MGAT4C: variants seen among roughly 807,000 people sequenced by gnomAD.
MGAT4C encodes alpha-1,3-mannosyl-glycoprotein 4-beta-N-acetylglucosaminyltransferase C.
Under a neutral mutation model 40.1 loss-of-function variants are expected in MGAT4C, and 19 were observed. The ratio of observed to expected loss-of-function variants is 0.47; its 90% CI spans 0.33 to 0.70. The LOEUF is 0.70. Ranked by LOEUF, MGAT4C falls within the 30% of genes least tolerant of loss-of-function variation. The pLI, the probability that MGAT4C is intolerant of heterozygous loss-of-function variation, is 0.02. For synonymous variants in MGAT4C, 181 were observed against 187.1 expected, an observed-to-expected ratio of 0.97 and a Z score of 0.27; for missense variants, 491 against 563.2, an observed-to-expected ratio of 0.87 and a Z score of 1.30.
At chr12:86,766,430 C>T (rs959663941) in intron 1 of MGAT4C, among the ~76,000 whole-genome samples, 1 of 152,252 alleles carries the variant, frequency 6.6e-6, no homozygotes, top group African/African-American at 2.4e-5. Context: ...GAGACTTTAA[C>T]ACCCCACTGT....
In MGAT4C at chr12:86,394,541, A is replaced by G. The variant is rs146683300; in HGVS notation, c.-120+40616T>C. Among the ~76,000 whole-genome samples the G allele has an allele frequency of 5.4e-3, 776 of 144,026 alleles. 5 individuals are homozygous for G. The highest frequency in any genetic ancestry group is 8.6e-3 in the Non-Finnish European group (571 of 66,028). 94.5% of individuals were successfully genotyped at this position (144,026 alleles called of 152,430 possible). On this transcript the variant is annotated intron_variant, in intron 3 of 7. Coordinates refer to the MGAT4C transcript ENST00000548651. ...ATATATTTATATATTTTATACATAT[A>G]TTTATATATATTTATATATTTATAT...
upstream of MGAT4C, chr12:86,838,976 G>T (rs911360394): frequency 6.6e-6 from 1 of 152,186 alleles, no homozygotes; most frequent in Non-Finnish European, 1.5e-5. Context: ...TCTCTCATCT[G>T]CAGTCTGCAA....
chr12:86,032,294 T>C (rs374035207), intron 2 of MGAT4C, among the ~76,000 whole-genome samples: 74 of 152,090 alleles, frequency 4.9e-4, no homozygotes, highest in Middle Eastern at 3.4e-3. Context: ...GATTGCTGGG[T>C]TGAACGGTAG....
intron 2 of MGAT4C, among the ~76,000 whole-genome samples, chr12:86,639,345 TGAAGTAGTCTATCAATAAGA>T (rs1963311917): frequency 6.6e-6 from 1 of 151,780 alleles, no homozygotes; most frequent in Non-Finnish European, 1.5e-5. Flanking sequence ...AACAGTCATC[TGAAGTAGTCTATCAATAAGA>T]GAACTTTGTA....
chr12:86,098,772 C>A (rs780010961), intron 1 of MGAT4C, among the ~76,000 whole-genome samples: 2 of 151,524 alleles, frequency 1.3e-5, no homozygotes, highest in Non-Finnish European at 3.0e-5. Context: ...TGCATGTATT[C>A]TTCTGAATAA....
rs529231501 is a variant in MGAT4C, at chr12:86,005,554, T to C, written c.-6-16002A>G. Among the ~76,000 whole-genome samples, 8 of 152,248 alleles carry C rather than the reference T, an allele frequency of 5.3e-5. 1 individual carries two copies. In the East Asian group the frequency reaches 1.5e-3, roughly 29 times the overall value. On this transcript the variant is annotated intron_variant, in intron 2 of 4. Coordinates refer to ENST00000611864, the MANE Select transcript of MGAT4C (RefSeq NM_001351288.2). The stretch of plus-strand genomic sequence containing the variant: ...TAATTGGCTTCTAGGGTTCTTAGCC[T>C]TACAGATGAGTAAGGAAGATCACTT...
chr12:86,472,285 A>G (rs920181065), intron 2 of MGAT4C, among the ~76,000 whole-genome samples: 2 of 152,160 alleles, frequency 1.3e-5, no homozygotes, highest in African/African-American at 4.8e-5. Flanking sequence ...ACAGATTATA[A>G]GGCCTATGAA....
chr12:86,702,927 T>C (rs747294239), intron 2 of MGAT4C, among the ~76,000 whole-genome samples: 4 of 152,190 alleles, frequency 2.6e-5, no homozygotes, highest in Non-Finnish European at 5.9e-5. Flanking sequence ...AAGAATTCAT[T>C]TTTATAAATG....
At chr12:86,532,562 T>C (rs1381450171) in intron 2 of MGAT4C, among the ~76,000 whole-genome samples, 1 of 152,010 alleles carries the variant, frequency 6.6e-6, no homozygotes, top group Non-Finnish European at 1.5e-5. Flanking sequence ...ATTCAAAGAA[T>C]AATTTTGAAT....
At chr12:86,395,443 C>A (rs969533811) in intron 3 of MGAT4C, among the ~76,000 whole-genome samples, 10 of 151,890 alleles carry the variant, frequency 6.6e-5, no homozygotes, top group Non-Finnish European at 1.3e-4. Context: ...TTTAAAAAAG[C>A]ACAGAAAATG....
chr12:86,575,485 G>A (rs528859616), intron 2 of MGAT4C, among the ~76,000 whole-genome samples: 2 of 151,918 alleles, frequency 1.3e-5, no homozygotes, highest in East Asian at 1.9e-4. Context: ...TCTGTGCCTG[G>A]CTTATTGCAA....
chr12:86,104,880 G>A (rs1218917504), intron 1 of MGAT4C, among the ~76,000 whole-genome samples: 3 of 151,482 alleles, frequency 2.0e-5, no homozygotes, highest in Admixed American at 6.6e-5. Context: ...TTAACAGACC[G>A]TGTTCCTGGG....
At chr12:86,292,756 A>T (rs1040509986) in intron 4 of MGAT4C, among the ~76,000 whole-genome samples, 1 of 152,170 alleles carries the variant, frequency 6.6e-6, no homozygotes, top group Non-Finnish European at 1.5e-5. Flanking sequence ...TGTTGGTAGA[A>T]GTCTCCTGAC....
intron 2 of MGAT4C, among the ~76,000 whole-genome samples, chr12:86,549,618 A>G (rs537853493): frequency 5.3e-5 from 8 of 152,354 alleles, no homozygotes; most frequent in Middle Eastern, 3.4e-3. Context: ...TAAATGAGGA[A>G]TGACAAGTTT....
rs150932608 is a variant in MGAT4C at position 85,997,338 on chromosome 12, T to C, written c.-6-7786A>G. Among the ~76,000 whole-genome samples the C allele has an allele frequency of 5.4e-3, 818 of 152,214 alleles. 4 individuals are homozygous for C. The highest frequency in any genetic ancestry group is 0.018 in the African/African-American group (762 of 41,528). On this transcript the variant is annotated intron_variant, in intron 2 of 4. Transcript: ENST00000611864. The stretch of plus-strand genomic sequence containing the variant: ...GTTACAATTCAAGATGAGATTTGGG[T>C]GGGGAACCAGCCAAACCATATCATT...
intron 1 of MGAT4C, among the ~76,000 whole-genome samples, chr12:86,104,025 G>T (rs896894424): frequency 6.6e-6 from 1 of 151,944 alleles, no homozygotes; most frequent in East Asian, 1.9e-4. Flanking sequence ...ACATTTAAGG[G>T]GATCCCAAGT....
chr12:86,722,656 A>G (rs1313479472), intron 2 of MGAT4C, among the ~76,000 whole-genome samples: 7 of 152,206 alleles, frequency 4.6e-5, no homozygotes, highest in African/African-American at 1.7e-4. Flanking sequence ...TTTTGTTAAA[A>G]CAGAATATAT....
intron 1 of MGAT4C, among the ~76,000 whole-genome samples, chr12:86,211,218 A>G (rs1179830336): frequency 6.9e-6 from 1 of 145,860 alleles, no homozygotes; most frequent in Non-Finnish European, 1.5e-5. Flanking sequence ...ATTGGAATAT[A>G]TGCATATTGG....
chr12:86,781,129 G>T (rs898321231), intron 1 of MGAT4C, among the ~76,000 whole-genome samples: 4 of 149,400 alleles, frequency 2.7e-5, no homozygotes, highest in Non-Finnish European at 6.0e-5. Context: ...ACAAGCACAA[G>T]ATTTTTTTTA....
Sources: allele counts gnomAD v4.1 joint callset (sites outside exome capture counted in the v4.1 genomes callset), GRCh38; gene constraint gnomAD v4.1.1; transcripts MANE v1.5; gene names NCBI Gene and HGNC (gene_info 2026-07-23, HGNC 2026-07-21).